The following TTLL4 variants were observed in gnomAD, a reference collection of about 807,000 sequenced individuals.
TTLL4 encodes tubulin tyrosine ligase like 4.
A neutral mutation model predicts 122.7 loss-of-function variants in TTLL4; 85 were observed. The ratio of observed to expected loss-of-function variants is 0.69; its 90% CI spans 0.58 to 0.83. The LOEUF is 0.83. Ranked by LOEUF, TTLL4 falls within the 40% of genes least tolerant of loss-of-function variation. TTLL4 has a pLI of 0.00. For synonymous variants in TTLL4, 553 were observed against 563.0 expected, an observed-to-expected ratio of 0.98 and a Z score of 0.25; for missense variants, 1,363 against 1,488.6, an observed-to-expected ratio of 0.92 and a Z score of 1.39.
At chr2:218,715,336 A>G (rs1233049037) in intron 1 of TTLL4, among the ~76,000 whole-genome samples, 2 of 152,238 alleles carry the variant, frequency 1.3e-5, no homozygotes, top group African/African-American at 4.8e-5. Flanking sequence ...ATGATTTTGT[A>G]AAGGCTAGTT....
chr2:218,753,393 G>T (rs1357887463), intron 18 of TTLL4, 191 bp from the exon 19 acceptor site: 3 of 812,884 alleles, frequency 3.7e-6, no homozygotes, highest in Non-Finnish European at 5.9e-6. Context: ...AAAGTGCTTT[G>T]TAGGCCTCAA....
At chr2:218,745,501 T>C in intron 6 of TTLL4, 190 bp from the exon 7 acceptor site, 1 of 635,796 alleles carries the variant, frequency 1.6e-6, no homozygotes, top group Non-Finnish European at 2.8e-6. Context: ...TTCCCTTTCT[T>C]TGTTCCTCAT....
rs780206249 is a variant in TTLL4 at position 218,740,519 on chromosome 2, A to G, written c.1598-2A>G. 3.7e-6 allele frequency: 6 copies of G among 1,614,170 alleles called. No homozygotes were observed. The highest frequency in any genetic ancestry group is 5.1e-6 in the Non-Finnish European group (6 of 1,180,014). ...GAATTTCTCTGTTCTTCCTTCCTCT[A>G]GGAGACTCAGAGTGCTCCTCATTAA... On this transcript the variant is annotated splice_acceptor_variant, in intron 4 of 19. Transcript: ENST00000392102. LOFTEE classifies it high-confidence loss of function.
rs754988844 is a variant in TTLL4, at chr2:218,747,548, T to A, written c.2250-49T>A. 6 of 1,606,226 alleles carry A rather than the reference T, an allele frequency of 3.7e-6. No homozygotes were observed. In the Admixed American group the frequency reaches 1.0e-4, roughly 27 times the overall value. On this transcript the variant is annotated intron_variant, in intron 10 of 19. Transcript: ENST00000392102. The surrounding 1 kb of genome is among the most constrained non-coding windows in gnomAD (Gnocchi z 4.7). Reference sequence around the variant, plus strand: ...CTTTTCCTGTGGCTTGGTTACCCACTGAGCCCCATCATCTGGCTGTATGAG... The same window carrying A: ...CTTTTCCTGTGGCTTGGTTACCCACAGAGCCCCATCATCTGGCTGTATGAG...
At position 218,747,671 on chromosome 2, in the gene TTLL4, A is replaced by T. The variant is rs1253475244; in HGVS notation, c.2324A>T (p.Asp775Val). ...LRIYVYVTSY[D>V]PLRIYLFSDG... Reference sequence around the variant, plus strand: ...ATCTATGTTTATGTCACTTCCTACGATCCTCTGCGGATTTACCTCTTTTCA... The same window carrying T: ...ATCTATGTTTATGTCACTTCCTACGTTCCTCTGCGGATTTACCTCTTTTCA... The change falls in exon 11 of 20, where the codon GAT (aspartate) becomes GTT (valine). Residue 775 changes from aspartate to valine, a missense_variant. Around this residue, in one of 3 missense-constraint regions of TTLL4, gnomAD observed 596 missense variants for 655.8 expected, o/e 0.91. Transcript: ENST00000392102. The surrounding 1 kb of genome is among the most constrained non-coding windows in gnomAD (Gnocchi z 4.7). 6.2e-7 allele frequency: 1 copy of T among 1,614,016 alleles called. No homozygotes were observed. The highest frequency in any genetic ancestry group is 2.2e-5 in the East Asian group (1 of 44,890).
At chr2:218,714,905 A>G (rs1941814597) in intron 1 of TTLL4, among the ~76,000 whole-genome samples, 1 of 149,730 alleles carries the variant, frequency 6.7e-6, no homozygotes, top group East Asian at 1.9e-4. Context: ...CGCTTAGCCT[A>G]TATTTTAATA....
Position 218,754,176 on chromosome 2 carries a change from C to T in TTLL4, c.3387C>T (p.Asp1129=), listed in dbSNP as rs772350700. Reference sequence around the variant, plus strand: ...AGGTTAGCCTACTACTCTCTGAAGACGGGACCACGCCCAAATCCAAGAAGA... The same window carrying T: ...AGGTTAGCCTACTACTCTCTGAAGATGGGACCACGCCCAAATCCAAGAAGA... ...SCEVSLLLSE[D]GTTPKSKKTQ... The change falls in exon 20 of 20, where the codon GAC becomes GAT. Residue 1129 remains aspartate (D), a synonymous_variant. Transcript: ENST00000392102. 248 of 1,614,040 alleles carry T rather than the reference C, an allele frequency of 1.5e-4. No individual in the cohort carries two copies. The highest frequency in any genetic ancestry group is 4.9e-4 in the Middle Eastern group (3 of 6,084).
rs201334393 is a variant in TTLL4, at chr2:218,754,374, G to A, written c.3585G>A (p.Leu1195=). The change falls in exon 20 of 20, where the codon CTG becomes CTA. Residue 1195 remains leucine, a synonymous_variant. Coordinates refer to ENST00000392102, the MANE Select transcript of TTLL4 (RefSeq NM_014640.5). ...STFQSISDSL[L]AVSP is the part of the protein sequence containing the mutation. ...TCCAGTCAATCAGTGACTCCCTCCT[G>A]GCTGTGAGCCCATAACTGGCCTCTC... The A allele has an allele frequency of 1.2e-6, 2 of 1,614,170 alleles. No individual in the cohort carries two copies. The highest frequency in any genetic ancestry group is 1.7e-6 in the Non-Finnish European group (2 of 1,180,036).
Position 218,754,165 on chromosome 2 carries a change from C to T in TTLL4, c.3376C>T (p.Leu1126Phe), listed in dbSNP as rs116515067. The change falls in exon 20 of 20, where the codon CTC (leucine) becomes TTC (phenylalanine). Residue 1126 changes from leucine (L) to phenylalanine (F), a missense_variant. Physicochemically the swap from Leu to Phe is conservative, Grantham distance 22 (BLOSUM62 0). Around this residue, in one of 3 missense-constraint regions of TTLL4, gnomAD observed 596 missense variants for 655.8 expected, o/e 0.91. Coordinates refer to ENST00000392102, the MANE Select transcript of TTLL4 (RefSeq NM_014640.5). ...AAGCTCCTGTGAGGTTAGCCTACTA[C>T]TCTCTGAAGACGGGACCACGCCCAA... ...KQSSCEVSLLLSEDGTTPKSK... is the reference protein window; with the variant it reads ...KQSSCEVSLLFSEDGTTPKSK... The T allele has an allele frequency of 2.5e-3, 4,055 of 1,614,206 alleles. 13 individuals carry two copies. Among genetic ancestry groups the T allele is most frequent in the Non-Finnish European group, 3.3e-3 (3,866 of 1,180,040 alleles).
At chr2:218,711,902 T>G (rs80102405) in intron 1 of TTLL4, among the ~76,000 whole-genome samples, 5,401 of 151,062 alleles carry the variant, frequency 0.036, 345 homozygotes, top group African/African-American at 0.12. Context: ...CAGCACCTGT[T>G]GATTTAGCAT....
intron 5 of TTLL4, among the ~76,000 whole-genome samples, chr2:218,741,921 CTA>C (rs1429830214): frequency 6.6e-6 from 1 of 152,138 alleles, no homozygotes; most frequent in Admixed American, 6.5e-5. Flanking sequence ...AACTTTTTCT[CTA>C]TATGAGGCTT....
rs1214249069 is a variant in TTLL4 at position 218,750,314 on chromosome 2, G to A, written c.2873+168G>A. ...ACCATGCCACATCAGTGACTCTCAA[G>A]TATGTTCAGTTATGTTGATCCCCTG... On this transcript the variant is annotated intron_variant, in intron 15 of 19. Coordinates refer to ENST00000392102, the MANE Select transcript of TTLL4 (RefSeq NM_014640.5). Among the ~76,000 whole-genome samples the A allele has an allele frequency of 3.9e-5, 6 of 152,288 alleles. No homozygotes were observed. In the East Asian group the frequency reaches 9.7e-4, roughly 25 times the overall value.
At chr2:218,721,626 A>T (rs908703609) in intron 1 of TTLL4, among the ~76,000 whole-genome samples, 1 of 152,192 alleles carries the variant, frequency 6.6e-6, no homozygotes, top group Non-Finnish European at 1.5e-5. Flanking sequence ...AAGAGTGACT[A>T]TGTAAGGGAG....
At chr2:218,735,122 C>T (rs1942481377) in intron 2 of TTLL4, among the ~76,000 whole-genome samples, 1 of 152,164 alleles carries the variant, frequency 6.6e-6, no homozygotes, top group African/African-American at 2.4e-5. Flanking sequence ...AGGGCGATAT[C>T]CCATGGCTTC....
chr2:218,744,855 T>A (rs1942796336), intron 5 of TTLL4, among the ~76,000 whole-genome samples: 1 of 152,202 alleles, frequency 6.6e-6, no homozygotes, highest in South Asian at 2.1e-4. Flanking sequence ...ACGGGAAATT[T>A]TGGAGCTGTA....
At chr2:218,744,387 T>C (rs1942783348) in intron 5 of TTLL4, among the ~76,000 whole-genome samples, 2 of 152,216 alleles carry the variant, frequency 1.3e-5, no homozygotes, top group Admixed American at 1.3e-4. Context: ...GTAGTTGATA[T>C]GTTTGCTATG....
In TTLL4 at chr2:218,754,647, G is replaced by A. The variant is rs1943115392; in HGVS notation, c.*258G>A. 1.8e-6 allele frequency: 1 copy of A among 556,154 alleles called. No individual in the cohort carries two copies. Among genetic ancestry groups the A allele is most frequent in the African/African-American group, 1.9e-5 (1 of 53,354 alleles). 34.5% of individuals were successfully genotyped at this position (556,154 alleles called of 1,614,324 possible). On this transcript the variant is annotated 3_prime_UTR_variant, in exon 20 of 20. Transcript: ENST00000392102. ...ACCTCATATCTCAGCAGAGAAGCCA[G>A]TGGTGGCCACGCAGCCTTATAAAGC... is the stretch of plus-strand genomic sequence containing the variant.
In TTLL4 at chr2:218,747,688, C is replaced by T. The variant is rs753502307; in HGVS notation, c.2341C>T (p.Leu781Phe). The T allele has an allele frequency of 1.9e-6, 3 of 1,614,096 alleles. No homozygotes were observed. Among genetic ancestry groups the T allele is most frequent in the Non-Finnish European group, 2.5e-6 (3 of 1,180,052 alleles). Residue 781 changes from leucine (L) to phenylalanine (F), a missense_variant, in exon 11 of 20, where the codon CTC (leucine) becomes TTC (phenylalanine). Leu to Phe is a conservative substitution (Grantham distance 22). This residue lies in a region of TTLL4 where 596 missense variants were observed against 655.8 expected (regional missense o/e 0.91). Transcript: ENST00000392102. The surrounding 1 kb of genome is among the most constrained non-coding windows in gnomAD (Gnocchi z 4.7). Reference protein sequence around the residue: ...VTSYDPLRIYLFSDGLVRFAS... With the variant: ...VTSYDPLRIYFFSDGLVRFAS... Reference sequence around the variant, plus strand: ...TTCCTACGATCCTCTGCGGATTTACCTCTTTTCAGATGGACTGGTCCGCTT... The same window carrying T: ...TTCCTACGATCCTCTGCGGATTTACTTCTTTTCAGATGGACTGGTCCGCTT...
rs1159429440 is a variant in TTLL4, at chr2:218,754,267, A to G, written c.3478A>G (p.Lys1160Glu). The change falls in exon 20 of 20, where the codon AAA becomes GAA. Residue 1160 changes from lysine (K) to glutamate (E), a missense_variant. Around this residue, in one of 3 missense-constraint regions of TTLL4, gnomAD observed 596 missense variants for 655.8 expected, o/e 0.91. Coordinates refer to ENST00000392102, the MANE Select transcript of TTLL4 (RefSeq NM_014640.5). ...CTCAAAGGACAGTGAGGACACCAGC[A>G]AAGAGCCCAGCCTTTCTACCCAGAC... is the stretch of plus-strand genomic sequence containing the variant. ...SSSKDSEDTS[K>E]EPSLSTQTLP... The G allele has an allele frequency of 6.2e-7, 1 of 1,614,196 alleles. No homozygotes were observed.
Sources: allele counts gnomAD v4.1 joint callset (sites outside exome capture counted in the v4.1 genomes callset), GRCh38; gene constraint gnomAD v4.1.1; regional missense constraint gnomAD v4.1.1; non-coding constraint Gnocchi (gnomAD v3.1); transcripts MANE v1.5; gene names NCBI Gene and HGNC (gene_info 2026-07-23, HGNC 2026-07-21).